Variants in AXDND1 observed in about 807,000 individuals in gnomAD.
The protein encoded by AXDND1 is axonemal dynein light chain domain containing 1.
AXDND1 carries 110 observed loss-of-function variants against 137.5 expected under a neutral mutation model. The observed-to-expected ratio is 0.80, with a 90% confidence interval of 0.69 to 0.94. AXDND1 has a LOEUF of 0.94. Among genes scored for constraint, AXDND1 ranks in the 40% least tolerant of loss-of-function variants. The probability of loss-of-function intolerance (pLI) is 0.00; values close to 1 mark genes in which losing one functional copy is unlikely to be tolerated. For synonymous variants in AXDND1, 414 were observed against 399.7 expected, an observed-to-expected ratio of 1.04 and a Z score of -0.43; for missense variants, 1,191 against 1,169.8, an observed-to-expected ratio of 1.02 and a Z score of -0.26.
intron 25 of AXDND1, chr1:179,548,991 T>C (rs190032268): frequency 3.3e-5 from 5 of 152,350 alleles, no homozygotes; most frequent in East Asian, 1.9e-4. Flanking sequence ...ACCATTGTCA[T>C]AGAGTGTGCC....
intron 10 of AXDND1, 103 bp downstream of exon 10, chr1:179,394,146 T>C: frequency 8.4e-7 from 1 of 1,186,652 alleles, no homozygotes. Flanking sequence ...AGGCCAAGGT[T>C]CTTCTGTTTC....
At chr1:179,433,518 T>C (rs537807518) in intron 15 of AXDND1, among the ~76,000 whole-genome samples, 4 of 152,342 alleles carry the variant, frequency 2.6e-5, no homozygotes, top group Non-Finnish European at 4.4e-5. Context: ...TAAATTTCCA[T>C]CTTAACGCTG....
At chr1:179,491,081 T>C (rs12734997) in intron 18 of AXDND1, among the ~76,000 whole-genome samples, 2 of 152,178 alleles carry the variant, frequency 1.3e-5, no homozygotes, top group African/African-American at 4.8e-5. Flanking sequence ...CCTAGCACTT[T>C]GGGAGGCTGA....
intron 9 of AXDND1, among the ~76,000 whole-genome samples, chr1:179,387,941 A>G (rs574983234): frequency 2.0e-5 from 3 of 152,238 alleles, no homozygotes; most frequent in African/African-American, 2.4e-5. Flanking sequence ...GATCTTCTGC[A>G]TATCTTGTAT....
At position 179,448,391 on chromosome 1, in the gene AXDND1, C is replaced by T. The variant is rs1011607519; in HGVS notation, c.1798+3187C>T. On this transcript the variant is annotated intron_variant, in intron 16 of 25. Coordinates refer to ENST00000367618, the MANE Select transcript of AXDND1 (RefSeq NM_144696.6). ...CTCTCTCTTTGTAAAAGTGGCCTCT[C>T]AGTTCCTTTCATCCATTATGCATGT... The T allele has an allele frequency of 4.7e-6, 3 of 634,376 alleles. No homozygotes were observed. In the East Asian group the frequency reaches 9.0e-5, roughly 19 times the overall value. The allele number at this position is 634,376 out of a possible 1,614,324, so 39.3% of individuals were successfully genotyped here. A position where few individuals can be genotyped will look rare whatever the true frequency, so the allele number is the denominator to read the frequency against.
At chr1:179,478,711 C>T (rs1394071898) in intron 17 of AXDND1, among the ~76,000 whole-genome samples, 4 of 152,246 alleles carry the variant, frequency 2.6e-5, no homozygotes, top group Non-Finnish European at 5.9e-5. Context: ...ATTTCTGCAG[C>T]TGTCTTCAAT....
intron 12 of AXDND1, among the ~76,000 whole-genome samples, chr1:179,425,982 A>G (rs1656513169): frequency 6.6e-6 from 1 of 151,938 alleles, no homozygotes; most frequent in Non-Finnish European, 1.5e-5. Flanking sequence ...GACTACAGGC[A>G]CATGCCACCA....
chr1:179,419,598 AC>A (rs1655340892), intron 12 of AXDND1, among the ~76,000 whole-genome samples: 2 of 135,038 alleles, frequency 1.5e-5, no homozygotes, highest in African/African-American at 5.4e-5. Flanking sequence ...TCAGAGGGAG[AC>A]CGTGGAAAGA....
intron 18 of AXDND1, among the ~76,000 whole-genome samples, chr1:179,484,314 CAG>C (rs1211179467): frequency 1.3e-5 from 2 of 152,138 alleles, no homozygotes; most frequent in Non-Finnish European, 2.9e-5. Flanking sequence ...GGAGCACAGT[CAG>C]GGGTGCCTAT....
chr1:179,407,588 T>C (rs1162515783), intron 11 of AXDND1, among the ~76,000 whole-genome samples: 1 of 152,174 alleles, frequency 6.6e-6, no homozygotes, highest in Non-Finnish European at 1.5e-5. Flanking sequence ...AGGTTTCTGC[T>C]GAGAAACCCA....
chr1:179,411,001 A>G, intron 11 of AXDND1, 145 bp from the exon 12 acceptor site: 1 of 583,728 alleles, frequency 1.7e-6, no homozygotes, highest in Non-Finnish European at 2.8e-6. Flanking sequence ...TTATCAATAT[A>G]TTCAGCAATT....
At chr1:179,439,510 GT>G (rs1453088599) in intron 15 of AXDND1, among the ~76,000 whole-genome samples, 1 of 152,184 alleles carries the variant, frequency 6.6e-6, no homozygotes, top group African/African-American at 2.4e-5. Context: ...CTCAGGAGGA[GT>G]TTCACTCCAA....
intron 9 of AXDND1, among the ~76,000 whole-genome samples, chr1:179,386,042 A>AT (rs1245095992): frequency 4.6e-5 from 5 of 108,916 alleles, no homozygotes; most frequent in East Asian, 2.8e-4. Context: ...TGATTTTAGG[A>AT]TTTTTTCCTT....
intron 12 of AXDND1, among the ~76,000 whole-genome samples, chr1:179,415,026 A>G (rs1654483438): frequency 6.6e-6 from 1 of 152,168 alleles, no homozygotes; most frequent in South Asian, 2.1e-4. Context: ...GGTTGGCACA[A>G]TCGATTATTC....
At position 179,491,519 on chromosome 1, in the gene AXDND1, TATACTC is replaced by T; in HGVS notation, c.2092-16_2092-11del. 1 of 1,516,964 alleles carries T rather than the reference TATACTC, an allele frequency of 6.6e-7. No individual in the cohort carries two copies. Among genetic ancestry groups the T allele is most frequent in the Non-Finnish European group, 9.1e-7 (1 of 1,099,844 alleles). 94.0% of individuals were successfully genotyped at this position (1,516,964 alleles called of 1,614,324 possible). A position where few individuals can be genotyped will look rare whatever the true frequency, so the allele number is the denominator to read the frequency against. ...TTTATTTAAAGTGGGTCATTTGTAT[TATACTC>T]ATTTTTTAACAGATGGATGAGTTAC... On this transcript the variant is annotated splice_polypyrimidine_tract_variant and intron_variant, in intron 18 of 25. Transcript: ENST00000367618.
chr1:179,540,153 G>T (rs551802891), intron 25 of AXDND1, among the ~76,000 whole-genome samples: 1 of 151,946 alleles, frequency 6.6e-6, no homozygotes, highest in South Asian at 2.1e-4. Context: ...CCTTTAGCTC[G>T]GAGATGTTTG....
intron 3 of AXDND1, 43 bp from the exon 4 acceptor site, chr1:179,369,932 A>T (rs768684179): frequency 7.0e-7 from 1 of 1,435,906 alleles, no homozygotes; most frequent in South Asian, 1.2e-5. Context: ...ATTTGATTAG[A>T]TCGCCCTCTG....
At chr1:179,446,031 A>G (rs1482475511) in intron 16 of AXDND1, among the ~76,000 whole-genome samples, 3 of 152,108 alleles carry the variant, frequency 2.0e-5, no homozygotes, top group African/African-American at 7.2e-5. Context: ...TTCTGGCCAT[A>G]CTAGTGGGTG....
intron 21 of AXDND1, among the ~76,000 whole-genome samples, chr1:179,523,726 C>A (rs1274281172): frequency 1.3e-5 from 2 of 151,460 alleles, no homozygotes; most frequent in African/African-American, 4.8e-5. Flanking sequence ...TTTTTTTTCC[C>A]AATAGGTTTT....
Sources: gnomAD v4.1 joint callset for allele counts (sites outside exome capture counted in the v4.1 genomes callset) on GRCh38, gnomAD v4.1.1 for gene constraint, MANE v1.5 for transcripts, NCBI Gene and HGNC (gene_info 2026-07-23, HGNC 2026-07-21) for gene names.